Variants in CREB5 observed in about 807,000 individuals in gnomAD.
CREB5 encodes cyclic AMP-responsive element-binding protein 5.
CREB5 carries 19 observed loss-of-function variants against 57.1 expected under a neutral mutation model. That is an observed-to-expected ratio of 0.33 (90% CI 0.23 to 0.49). CREB5 has a LOEUF of 0.49. CREB5 is among the 20% of genes least tolerant of loss of function. The pLI, the probability that CREB5 is intolerant of heterozygous loss-of-function variation, is 0.99. For missense variants in CREB5, 579 were observed against 671.6 expected (o/e 0.86, Z 1.52); for synonymous variants, 238 against 238.3 (o/e 1.00, Z 0.01).
chr7:28,319,371 G>A (rs1313450385), intron 1 of CREB5, among the ~76,000 whole-genome samples: 1 of 152,164 alleles, frequency 6.6e-6, no homozygotes, highest in Non-Finnish European at 1.5e-5. Context: ...ATAAGTTGGA[G>A]TATTTTTACC....
At chr7:28,780,097 GGACA>G (rs552251324) in intron 7 of CREB5, among the ~76,000 whole-genome samples, 1 of 152,056 alleles carries the variant, frequency 6.6e-6, no homozygotes, top group African/African-American at 2.4e-5. Flanking sequence ...TTCGCCAACT[GGACA>G]GTCAGTTCCT....
chr7:28,526,984 C>T (rs1793477171), intron 4 of CREB5, among the ~76,000 whole-genome samples: 1 of 152,206 alleles, frequency 6.6e-6, no homozygotes, highest in Non-Finnish European at 1.5e-5. Context: ...ACTCTACACC[C>T]CTTATGAAGA....
chr7:28,315,564 C>T (rs1785361481), intron 1 of CREB5, among the ~76,000 whole-genome samples: 1 of 152,246 alleles, frequency 6.6e-6, no homozygotes, highest in South Asian at 2.1e-4. Context: ...CAGATTTCAT[C>T]ATTGTGAGGT....
At chr7:28,792,847 C>T (rs1807801487) in intron 7 of CREB5, among the ~76,000 whole-genome samples, 2 of 152,156 alleles carry the variant, frequency 1.3e-5, no homozygotes, top group African/African-American at 4.8e-5. Context: ...CATGGATTCT[C>T]AGTGTGCTCA....
At chr7:28,802,542 G>C (rs918648817) in intron 7 of CREB5, among the ~76,000 whole-genome samples, 3 of 152,198 alleles carry the variant, frequency 2.0e-5, no homozygotes, top group African/African-American at 7.2e-5. Context: ...AATCTGGAAA[G>C]AACTTGCAGT....
intron 1 of CREB5, among the ~76,000 whole-genome samples, chr7:28,360,163 G>T (rs1251484377): frequency 6.6e-6 from 1 of 152,178 alleles, no homozygotes; most frequent in Non-Finnish European, 1.5e-5. Flanking sequence ...ACCATATGGA[G>T]ATTCCTCAAA....
intron 5 of CREB5, among the ~76,000 whole-genome samples, chr7:28,695,945 A>G (rs1217344531): frequency 6.6e-6 from 1 of 152,220 alleles, no homozygotes; most frequent in Non-Finnish European, 1.5e-5. Flanking sequence ...GATTCTGAAA[A>G]AAAAGAGAGC....
intron 5 of CREB5, among the ~76,000 whole-genome samples, chr7:28,654,372 C>T (rs1402748546): frequency 6.6e-6 from 1 of 152,136 alleles, no homozygotes; most frequent in Non-Finnish European, 1.5e-5. Context: ...CCTTTATGTG[C>T]GTAATACAGT....
intron 5 of CREB5, among the ~76,000 whole-genome samples, chr7:28,682,693 G>A (rs1303488410): frequency 1.3e-5 from 2 of 150,694 alleles, no homozygotes; most frequent in African/African-American, 2.5e-5. Context: ...GGGGGGGGGG[G>A]GAAACCCCAG....
At chr7:28,361,950 G>C (rs1237672898) in intron 1 of CREB5, among the ~76,000 whole-genome samples, 1 of 152,176 alleles carries the variant, frequency 6.6e-6, no homozygotes, top group Non-Finnish European at 1.5e-5. Flanking sequence ...TGAAGTAAAA[G>C]TTGAATCTTC....
chr7:28,653,924 G>A (rs1361029597), intron 5 of CREB5, among the ~76,000 whole-genome samples: 1 of 152,196 alleles, frequency 6.6e-6, no homozygotes, highest in Non-Finnish European at 1.5e-5. Flanking sequence ...TTCAAGCCCT[G>A]ACAGTTTGAA....
chr7:28,814,417 A>G (rs1809301081), intron 9 of CREB5, among the ~76,000 whole-genome samples: 3 of 152,212 alleles, frequency 2.0e-5, no homozygotes, highest in Admixed American at 2.0e-4. Context: ...ACATAAATGG[A>G]CATAGAAAAT....
intron 5 of CREB5, among the ~76,000 whole-genome samples, chr7:28,606,586 T>C (rs530476800): frequency 6.6e-6 from 1 of 152,302 alleles, no homozygotes; most frequent in South Asian, 2.1e-4. Flanking sequence ...TCAGAACTGA[T>C]TCCTACTTAG....
At chr7:28,406,849 A>G (rs1022426782) in intron 1 of CREB5, among the ~76,000 whole-genome samples, 3 of 152,168 alleles carry the variant, frequency 2.0e-5, no homozygotes, top group Non-Finnish European at 4.4e-5. Flanking sequence ...TCCAGATGAC[A>G]CATGCAGAAG....
chr7:28,572,018 G>C (rs750206943), intron 5 of CREB5, among the ~76,000 whole-genome samples: 1 of 152,206 alleles, frequency 6.6e-6, no homozygotes, highest in Non-Finnish European at 1.5e-5. Flanking sequence ...CAATTTGTCA[G>C]TAGGTCTTTT....
chr7:28,675,225 T>C (rs1800260297), intron 5 of CREB5, among the ~76,000 whole-genome samples: 1 of 152,232 alleles, frequency 6.6e-6, no homozygotes, highest in Non-Finnish European at 1.5e-5. Flanking sequence ...AGTAAGAGTA[T>C]TTGCTGTTTA....
Position 28,346,897 on chromosome 7 carries a change from A to G in CREB5, c.-25+47456A>G, listed in dbSNP as rs548803703. On this transcript the variant is annotated intron_variant, in intron 1 of 9. Transcript: ENST00000396299. ...TGAATAGTAGGATGGGGACATTAGA[A>G]CTTTGATCAGTATAAAAGGGAAGAC... Among the ~76,000 whole-genome samples, 6 of 152,260 alleles carry G rather than the reference A, an allele frequency of 3.9e-5. No individual in the cohort carries two copies. In the South Asian group the frequency reaches 8.3e-4, roughly 21 times the overall value.
At chr7:28,568,098 T>G (rs950042745) in intron 4 of CREB5, among the ~76,000 whole-genome samples, 2 of 152,150 alleles carry the variant, frequency 1.3e-5, no homozygotes, top group Non-Finnish European at 2.9e-5. Context: ...GGTTATAGGT[T>G]GGTGGAAGGA....
intron 1 of CREB5, among the ~76,000 whole-genome samples, chr7:28,480,815 A>T (rs950361558): frequency 6.6e-6 from 1 of 152,178 alleles, no homozygotes; most frequent in African/African-American, 2.4e-5. Context: ...TCAACATTGC[A>T]CCTCTCATGC....
Sources: allele counts gnomAD v4.1 joint callset (sites outside exome capture counted in the v4.1 genomes callset), GRCh38; gene constraint gnomAD v4.1.1; transcripts MANE v1.5; gene names NCBI Gene and HGNC (gene_info 2026-07-23, HGNC 2026-07-21).